Variants in PTCH2 observed in about 807,000 individuals in gnomAD.
PTCH2 encodes the protein patched 2, also known as protein patched homolog 2.
PTCH2 carries 96 observed loss-of-function variants against 117.9 expected under a neutral mutation model. The observed-to-expected ratio is 0.81, with a 90% confidence interval of 0.69 to 0.96. The LOEUF is 0.96. PTCH2 is among the 50% of genes least tolerant of loss of function. PTCH2 has a pLI of 0.00. For synonymous variants in PTCH2, 615 were observed against 660.9 expected (o/e 0.93, Z 1.06); for missense variants, 1,379 against 1,562.5 (o/e 0.88, Z 1.98).
chr1:44,830,081 T>C, intron 6 of PTCH2, 51 bp from the exon 7 acceptor site: 1 of 1,606,576 alleles, frequency 6.2e-7, no homozygotes, highest in Non-Finnish European at 8.5e-7. Context: ...CGTGGATAAC[T>C]GAGTGTCCCT....
intron 11 of PTCH2, 97 bp downstream of exon 11, chr1:44,828,885 A>T: frequency 7.4e-7 from 1 of 1,356,668 alleles, no homozygotes. Flanking sequence ...GACAAGAGGC[A>T]CCGAGGTTCA....
chr1:44,827,127 C>T lies in PTCH2; in HGVS notation c.2514+40G>A, dbSNP rs766039988. ...TGAAGGCCTGGGCCCAGGAGGCCTG[C>T]AGCCCCTGTACTAGTGGACCCCTCC... On this transcript the variant is annotated intron_variant, in intron 16 of 21. Coordinates refer to ENST00000372192, the MANE Select transcript of PTCH2 (RefSeq NM_003738.5). The T allele has an allele frequency of 3.1e-6, 5 of 1,613,986 alleles. No homozygotes were observed. The East Asian group carries it at 8.9e-5, about 29-fold the overall frequency.
chr1:44,820,912 C>A (rs1652883751), downstream of PTCH2, among the ~76,000 whole-genome samples: 1 of 152,188 alleles, frequency 6.6e-6, no homozygotes, highest in Admixed American at 6.5e-5. Context: ...GGTTGCACCC[C>A]CTACTCTAGG....
At chr1:44,825,342 C>T (rs945927051) in intron 19 of PTCH2, among the ~76,000 whole-genome samples, 16 of 150,138 alleles carry the variant, frequency 1.1e-4, no homozygotes, top group South Asian at 4.2e-4. Flanking sequence ...TTCACCATGT[C>T]GGCCAGGCTG....
In PTCH2 at chr1:44,828,412, C is replaced by A; in HGVS notation, c.1593G>T (p.Ala531=). ...CAAAGGTGCAGCCAACCACTATGGC[C>A]GCCTGGGGGACGGACAGGAGGGGAA... ...IPALRAFSLQ[A]AIVVGCTFVA... Residue 531 remains alanine (A), a splice_region_variant and synonymous_variant, in exon 13 of 22, where the codon GCG becomes GCT. Transcript: ENST00000372192. 2.5e-6 allele frequency: 4 copies of A among 1,614,128 alleles called. No homozygotes were observed. The highest frequency in any genetic ancestry group is 3.4e-6 in the Non-Finnish European group (4 of 1,180,026).
In PTCH2 at chr1:44,831,258, G is replaced by A. The variant is rs1021372882; in HGVS notation, c.618-215C>T. 3.3e-5 allele frequency among the ~76,000 whole-genome samples: 5 copies of A among 152,202 alleles called. No homozygotes were observed. The highest frequency in any genetic ancestry group is 1.2e-4 in the African/African-American group (5 of 41,438). On this transcript the variant is annotated intron_variant, in intron 5 of 21. Transcript: ENST00000372192. The surrounding 1 kb of genome is among the most constrained non-coding windows in gnomAD (Gnocchi z 4.3). ...GTAGAAGAGTACAAGGGGCTGAGACGAATATCAGGGCAGGGTTACCTAATA... is the reference window on the plus strand; with the variant it reads ...GTAGAAGAGTACAAGGGGCTGAGACAAATATCAGGGCAGGGTTACCTAATA...
intron 6 of PTCH2, 87 bp from the exon 7 acceptor site, chr1:44,830,117 T>G: frequency 6.4e-7 from 1 of 1,554,586 alleles, no homozygotes; most frequent in African/African-American, 1.4e-5. Flanking sequence ...GGAACCACGC[T>G]GCCATGAAGC....
Position 44,822,489 on chromosome 1 carries a change from C to T in PTCH2, c.3538G>A (p.Glu1180Lys). Residue 1180 changes from glutamate to lysine, a missense_variant, in exon 22 of 22, where the codon GAG (glutamate) becomes AAG (lysine). Coordinates refer to ENST00000372192, the MANE Select transcript of PTCH2 (RefSeq NM_003738.5). ...PGAYIHPAPD[E>K]PPWSPAATSS... ...GTGGCAGCAGGGGACCAAGGGGGCT[C>T]ATCAGGGGCTGGATGGATGTAGGCA... 2 of 1,613,894 alleles carry T rather than the reference C, an allele frequency of 1.2e-6. No homozygotes were observed. The highest frequency in any genetic ancestry group is 2.7e-5 in the African/African-American group (2 of 75,006).
Position 44,823,120 on chromosome 1 carries a change from A to T in PTCH2, c.3306T>A (p.His1102Gln), listed in dbSNP as rs775124440. 1.2e-5 allele frequency: 19 copies of T among 1,614,014 alleles called. No homozygotes were observed. The highest frequency in any genetic ancestry group is 1.4e-5 in the Non-Finnish European group (17 of 1,180,000). ...LTVLTLLGLL[H>Q]GLVLLPVLLS... Reference sequence around the variant, plus strand: ...GCAGCACAGGCAGCAGCACGAGTCCATGGAGGAGGCCCAGGAGCGTGAGCA... The same window carrying T: ...GCAGCACAGGCAGCAGCACGAGTCCTTGGAGGAGGCCCAGGAGCGTGAGCA... Residue 1102 changes from histidine to glutamine, a missense_variant, in exon 21 of 22, where the codon CAT becomes CAA. By Grantham distance (24) the His-to-Gln change is conservative. Transcript: ENST00000372192. This position sits in a 1 kb window ranked among gnomAD's most constrained non-coding sequence, Gnocchi z 5.1.
At position 44,829,919 on chromosome 1, in the gene PTCH2, C is replaced by T; in HGVS notation, c.925G>A (p.Glu309Lys). 6.2e-7 allele frequency: 1 copy of T among 1,614,134 alleles called. No individual in the cohort carries two copies. Among genetic ancestry groups the T allele is most frequent in the Non-Finnish European group, 8.5e-7 (1 of 1,179,994 alleles). The change falls in exon 7 of 22, where the codon GAG (glutamate) becomes AAG (lysine). Residue 309 changes from glutamate to lysine, a missense_variant. Glu to Lys is a moderately conservative substitution (Grantham distance 56, BLOSUM62 1). Transcript: ENST00000372192. ...LGGMARDPQG[E>K]LLRAEALQST... ...CAGAGGAGACCCTACCTCAGCAGCT[C>T]TCCTTGGGGGTCTCTGGCCATGCCT...
chr1:44,822,394 C>T lies in PTCH2; in HGVS notation c.*21G>A. The T allele has an allele frequency of 6.2e-7, 1 of 1,613,346 alleles. No homozygotes were observed. The highest frequency in any genetic ancestry group is 8.5e-7 in the Non-Finnish European group (1 of 1,180,022). On this transcript the variant is annotated 3_prime_UTR_variant, in exon 22 of 22. Transcript: ENST00000372192. Reference sequence around the variant, plus strand: ...TGACCCCACACGCCCCACACATGGTCTCTGTGCTTCAGCTGCTCTTTCACC... The same window carrying T: ...TGACCCCACACGCCCCACACATGGTTTCTGTGCTTCAGCTGCTCTTTCACC...
At chr1:44,836,316 T>A (rs1653682605) in intron 2 of PTCH2, among the ~76,000 whole-genome samples, 1 of 152,162 alleles carries the variant, frequency 6.6e-6, no homozygotes, top group Non-Finnish European at 1.5e-5. Context: ...CCTCACTTTT[T>A]AAAAGAGATG....
intron 21 of PTCH2, 81 bp downstream of exon 21, chr1:44,822,988 A>G: frequency 6.8e-7 from 1 of 1,473,754 alleles, no homozygotes; most frequent in Non-Finnish European, 9.3e-7. Flanking sequence ...TGTGGGCCAC[A>G]GGGCTCTGTC....
intron 2 of PTCH2, among the ~76,000 whole-genome samples, chr1:44,838,333 C>T (rs1288184253): frequency 2.6e-5 from 4 of 152,144 alleles, no homozygotes; most frequent in Admixed American, 2.6e-4. Flanking sequence ...ACTCTGCCTC[C>T]CGGGTTCAAG....
rs1387448101 is a variant in PTCH2 at position 44,827,206 on chromosome 1, G to A, written c.2475C>T (p.Ile825=). 1.2e-6 allele frequency: 2 copies of A among 1,613,994 alleles called. No individual in the cohort carries two copies. Among genetic ancestry groups the A allele is most frequent in the African/African-American group, 1.3e-5 (1 of 74,950 alleles). ...GAGGCTCCTGGGCGTCTCCAGTCTG[G>A]ATGAGCAGCTTGTAGGCCAGGGCCC... is the stretch of plus-strand genomic sequence containing the variant. ...EDGALAYKLL[I]QTGDAQEPLD... is the part of the protein sequence containing the mutation. The change falls in exon 16 of 22, where the codon ATC becomes ATT. Residue 825 remains isoleucine (I), a synonymous_variant. Coordinates refer to ENST00000372192, the MANE Select transcript of PTCH2 (RefSeq NM_003738.5).
intron 2 of PTCH2, among the ~76,000 whole-genome samples, chr1:44,835,039 G>C (rs1653623180): frequency 6.6e-6 from 1 of 152,182 alleles, no homozygotes; most frequent in African/African-American, 2.4e-5. Context: ...GGACAGAGGA[G>C]GGAGAATATC....
At chr1:44,819,855 T>C (rs888012499), downstream of PTCH2, 4 of 153,038 alleles carry the variant, frequency 2.6e-5, no homozygotes, top group Non-Finnish European at 4.4e-5. Flanking sequence ...TTGGTTGTAG[T>C]TGCCTAACTT....
rs767584655 is a variant in PTCH2, at chr1:44,827,867, C to T, written c.2034G>A (p.Pro678=). Reference sequence around the variant, plus strand: ...CCTTAGCATGTGACTGGAGCAGCAACGGGGCAAACTGATAGCGGGCGAAAT... The same window carrying T: ...CCTTAGCATGTGACTGGAGCAGCAATGGGGCAAACTGATAGCGGGCGAAAT... ...LAHFARYQFA[P]LLLQSHAKAI... The change falls in exon 14 of 22, where the codon CCG becomes CCA. Residue 678 remains proline (P), a synonymous_variant. Transcript: ENST00000372192. 2.7e-5 allele frequency: 44 copies of T among 1,614,028 alleles called. No individual in the cohort carries two copies. The highest frequency in any genetic ancestry group is 5.5e-5 in the South Asian group (5 of 91,092).
At position 44,843,037 on chromosome 1, in the gene PTCH2, GT is replaced by G; in HGVS notation, c.-106del. ...CCGCTGGGCCCCGCGTAGGGATTCA[GT>G]GGGGCCGCCAAGGCGCGGGCGTGGG... is the stretch of plus-strand genomic sequence containing the variant. On this transcript the variant is annotated 5_prime_UTR_variant, in exon 1 of 22. Coordinates refer to ENST00000372192, the MANE Select transcript of PTCH2 (RefSeq NM_003738.5). The G allele has an allele frequency of 2.1e-6, 3 of 1,434,308 alleles. No individual in the cohort carries two copies. The highest frequency in any genetic ancestry group is 2.7e-6 in the Non-Finnish European group (3 of 1,098,464). 88.8% of individuals were successfully genotyped at this position (1,434,308 alleles called of 1,614,324 possible). A position where few individuals can be genotyped will look rare whatever the true frequency, so the allele number is the denominator to read the frequency against.
Sources: allele counts gnomAD v4.1 joint callset (sites outside exome capture counted in the v4.1 genomes callset), GRCh38; gene constraint gnomAD v4.1.1; non-coding constraint Gnocchi (gnomAD v3.1); transcripts MANE v1.5; gene names NCBI Gene and HGNC (gene_info 2026-07-23, HGNC 2026-07-21).